The following UBR3 variants were observed in gnomAD, a reference collection of about 807,000 sequenced individuals.
UBR3 encodes the protein ubiquitin protein ligase E3 component n-recognin 3, also known as E3 ubiquitin-protein ligase UBR3.
Under a neutral mutation model 243.2 loss-of-function variants are expected in UBR3, and 85 were observed. That is an observed-to-expected ratio of 0.35 (90% confidence interval 0.29 to 0.42). The LOEUF (loss-of-function observed/expected upper bound fraction) is 0.42. Ranked by LOEUF, UBR3 falls within the 10% of genes least tolerant of loss-of-function variation. UBR3 has a pLI of 1.00. For missense variants in UBR3, 1,686 were observed against 2,300.8 expected, an observed-to-expected ratio of 0.73 and a Z score of 5.47; for synonymous variants, 748 against 799.8, an observed-to-expected ratio of 0.94 and a Z score of 1.09.
intron 36 of UBR3, among the ~76,000 whole-genome samples, chr2:170,076,316 A>G (rs1417117143): frequency 2.0e-5 from 3 of 152,232 alleles, no homozygotes; most frequent in Non-Finnish European, 2.9e-5. Context: ...CTACTTTCAC[A>G]TCTTACCTGC....
chr2:170,079,870 G>A lies in UBR3; in HGVS notation c.5256G>A (p.Glu1752=), dbSNP rs776457304. 2.5e-6 allele frequency: 4 copies of A among 1,614,028 alleles called. No individual in the cohort carries two copies. In the South Asian group the frequency reaches 3.3e-5, roughly 13 times the overall value. Residue 1752 remains glutamate (E), a synonymous_variant, in exon 37 of 39, where the codon GAG becomes GAA. Transcript: ENST00000272793. The stretch of plus-strand genomic sequence containing the variant: ...TACCACACCTACTACAGTTGCCTGA[G>A]AATTATAACACCATTTTTCAGTACT... ...WKLPHLLQLP[E]NYNTIFQYYH... is the part of the protein sequence containing the mutation.
intron 31 of UBR3, among the ~76,000 whole-genome samples, chr2:170,033,084 GT>G (rs1297105322): frequency 3.9e-5 from 6 of 151,982 alleles, no homozygotes; most frequent in African/African-American, 1.4e-4. Context: ...GGTATACAGA[GT>G]ATTCGAACAC....
chr2:169,931,218 G>A (rs1390269821), intron 18 of UBR3, among the ~76,000 whole-genome samples: 4 of 151,854 alleles, frequency 2.6e-5, no homozygotes, highest in Non-Finnish European at 5.9e-5. Flanking sequence ...GGGCTTGGTG[G>A]CGGGCACCTG....
chr2:169,982,112 A>T (rs926985215), intron 24 of UBR3, among the ~76,000 whole-genome samples: 6 of 152,218 alleles, frequency 3.9e-5, no homozygotes, highest in African/African-American at 1.2e-4. Flanking sequence ...TAAAAAATTT[A>T]AAATTTTCTA....
intron 1 of UBR3, among the ~76,000 whole-genome samples, chr2:169,857,081 T>TTTTG (rs2082910424): frequency 7.7e-6 from 1 of 129,686 alleles, no homozygotes; most frequent in Non-Finnish European, 1.6e-5. Flanking sequence ...TTTTTTTTTT[T>TTTTG]TTTTTTTTTT....
intron 25 of UBR3, among the ~76,000 whole-genome samples, chr2:169,987,523 A>G (rs954828778): frequency 5.9e-5 from 9 of 151,644 alleles, no homozygotes; most frequent in African/African-American, 2.2e-4. Flanking sequence ...TATTTGTTCA[A>G]ACAGTCTGTG....
At chr2:169,959,140 A>G (rs2087448124) in intron 24 of UBR3, among the ~76,000 whole-genome samples, 1 of 152,184 alleles carries the variant, frequency 6.6e-6, no homozygotes, top group African/African-American at 2.4e-5. Context: ...TTGTGGAAAG[A>G]AAATAAAGTC....
chr2:169,845,529 TCG>T (rs1491555518), intron 1 of UBR3, among the ~76,000 whole-genome samples: 45 of 130,116 alleles, frequency 3.5e-4, no homozygotes, highest in African/African-American at 6.9e-4. Context: ...GTCGTCGTCG[TCG>T]TCTTCTTCTT....
rs148357549 is a variant in UBR3, at chr2:170,080,610, C to T, written c.5475C>T (p.Ile1825=). ...TGATCAATGCATCGGTAATTATCAT[C>T]ATTCGAGGTCACCGCTTCTGCCTCT... The part of the protein sequence containing the change: ...FLLINASVII[I]IRGHRFCLWG... The change falls in exon 38 of 39, where the codon ATC becomes ATT. Residue 1825 remains isoleucine (I), a synonymous_variant. Coordinates refer to ENST00000272793, the MANE Select transcript of UBR3 (RefSeq NM_172070.4). 2.0e-5 allele frequency: 33 copies of T among 1,614,004 alleles called. No homozygotes were observed. The African/African-American group carries it at 3.6e-4, about 18-fold the overall frequency.
At chr2:170,063,729 T>C (rs2091498257) in intron 35 of UBR3, among the ~76,000 whole-genome samples, 2 of 152,142 alleles carry the variant, frequency 1.3e-5, no homozygotes, top group Non-Finnish European at 2.9e-5. Flanking sequence ...TTCCAATATA[T>C]TTTTCCCACA....
chr2:169,931,350 T>TAAAAA (rs66951181), intron 18 of UBR3, among the ~76,000 whole-genome samples: 7 of 87,556 alleles, frequency 8.0e-5, no homozygotes, highest in Admixed American at 4.3e-4. Context: ...GAATCTGTCT[T>TAAAAA]AAAAAAAAAA....
chr2:170,012,375 C>T (rs564113327), intron 29 of UBR3, among the ~76,000 whole-genome samples: 1 of 152,118 alleles, frequency 6.6e-6, no homozygotes, highest in African/African-American at 2.4e-5. Flanking sequence ...TTTTAAGCAT[C>T]TTATCAGGTA....
chr2:170,082,738 C>T lies in UBR3; in HGVS notation c.*895C>T, dbSNP rs2091926335. On this transcript the variant is annotated 3_prime_UTR_variant, in exon 39 of 39. Transcript: ENST00000272793. Reference sequence around the variant, plus strand: ...GATTGTATTAGAAATGCTCAGACTTCCCCAGAAATGAACCATAAATTTTGG... The same window carrying T: ...GATTGTATTAGAAATGCTCAGACTTTCCCAGAAATGAACCATAAATTTTGG... 1 of 152,270 alleles carries T rather than the reference C, an allele frequency of 6.6e-6. No homozygotes were observed. The highest frequency in any genetic ancestry group is 2.1e-4 in the South Asian group (1 of 4,818). 9.4% of individuals were successfully genotyped at this position (152,270 alleles called of 1,614,324 possible).
At chr2:170,032,806 A>G (rs902418673) in intron 31 of UBR3, among the ~76,000 whole-genome samples, 3 of 151,902 alleles carry the variant, frequency 2.0e-5, no homozygotes, top group African/African-American at 7.2e-5. Flanking sequence ...CATTTAGCCA[A>G]GGCAGTATGT....
chr2:169,954,193 GTCT>G (rs2087161937), intron 23 of UBR3, among the ~76,000 whole-genome samples: 1 of 150,820 alleles, frequency 6.6e-6, no homozygotes, highest in Admixed American at 6.6e-5. Flanking sequence ...GTCTTGTCTT[GTCT>G]TGTCTTGTCT....
At chr2:169,905,873 T>G (rs1181843678) in intron 9 of UBR3, among the ~76,000 whole-genome samples, 158 bp from the exon 10 acceptor site, 3 of 152,358 alleles carry the variant, frequency 2.0e-5, no homozygotes, top group Non-Finnish European at 4.4e-5. Context: ...AAGGACTAGA[T>G]TGTTTCATTT....
intron 26 of UBR3, among the ~76,000 whole-genome samples, chr2:169,999,943 A>C (rs879307685): frequency 2.0e-5 from 3 of 152,166 alleles, no homozygotes; most frequent in African/African-American, 7.2e-5. Flanking sequence ...CCTGACCAAC[A>C]TGGAGAAACC....
At chr2:169,986,403 TACA>T (rs2105388042) in intron 24 of UBR3, among the ~76,000 whole-genome samples, 1 of 152,366 alleles carries the variant, frequency 6.6e-6, no homozygotes, top group South Asian at 2.1e-4. Flanking sequence ...ATTTGAATGA[TACA>T]ACATTAGAAG....
intron 35 of UBR3, among the ~76,000 whole-genome samples, chr2:170,069,823 C>A (rs143209115): frequency 1.3e-5 from 2 of 151,910 alleles, no homozygotes; most frequent in Non-Finnish European, 2.9e-5. Context: ...TTGTTCCCCC[C>A]CCAGATACTA....
Sources: allele counts gnomAD v4.1 joint callset (sites outside exome capture counted in the v4.1 genomes callset), GRCh38; gene constraint gnomAD v4.1.1; transcripts MANE v1.5; gene names NCBI Gene and HGNC (gene_info 2026-07-23, HGNC 2026-07-21).